The following MTR variants were observed in gnomAD, a reference collection of about 807,000 sequenced individuals.
MTR encodes the protein 5-methyltetrahydrofolate-homocysteine methyltransferase, also known as methionine synthase.
MTR carries 84 observed loss-of-function variants against 154.8 expected under a neutral mutation model. That is an observed-to-expected ratio of 0.54 (90% CI 0.45 to 0.65). MTR has a LOEUF of 0.65. Among genes scored for constraint, MTR ranks in the 30% least tolerant of loss-of-function variants. The pLI is 0.00. For synonymous variants in MTR, 554 were observed against 553.9 expected (o/e 1.00, Z 0.00); for missense variants, 1,275 against 1,570.2 (o/e 0.81, Z 3.18).
chr1:236,857,939 T>G (rs530776904), intron 18 of MTR, among the ~76,000 whole-genome samples: 22 of 152,246 alleles, frequency 1.4e-4, no homozygotes, highest in African/African-American at 4.3e-4. Context: ...AGGGGAGAGA[T>G]ATTTGCATGT....
At chr1:236,838,710 C>G (rs1373421144) in intron 15 of MTR, 111 bp downstream of exon 15, 2 of 1,114,202 alleles carry the variant, frequency 1.8e-6, no homozygotes, top group Admixed American at 2.0e-5. Flanking sequence ...ACATTTATCT[C>G]TTTCCATATA....
chr1:236,861,898 T>C (rs1215134383), intron 20 of MTR, among the ~76,000 whole-genome samples: 1 of 152,132 alleles, frequency 6.6e-6, no homozygotes, highest in Non-Finnish European at 1.5e-5. Context: ...GGGAATGAGC[T>C]CATGGTGGAG....
intron 30 of MTR, chr1:236,895,129 G>A (rs1377437960): frequency 5.1e-6 from 3 of 590,344 alleles, no homozygotes; most frequent in Non-Finnish European, 9.1e-6. Context: ...AGGTCATTAA[G>A]TATGGTCCTT....
chr1:236,889,965 C>T (rs532299417), intron 28 of MTR, among the ~76,000 whole-genome samples: 1 of 152,130 alleles, frequency 6.6e-6, no homozygotes, highest in South Asian at 2.1e-4. Flanking sequence ...TAAATTACTA[C>T]CCCCACTTCT....
At position 236,846,597 on chromosome 1, in the gene MTR, T is replaced by C. The variant is rs147553448; in HGVS notation, c.1516-3747T>C. On this transcript the variant is annotated intron_variant, in intron 15 of 32. Coordinates refer to ENST00000366577, the MANE Select transcript of MTR (RefSeq NM_000254.3). The stretch of plus-strand genomic sequence containing the variant: ...ACAAGGAATTGGTATCTTGCCAGTG[T>C]TTAGATTTGTCATTGAGGAACATGG... 2.4e-4 allele frequency among the ~76,000 whole-genome samples: 36 copies of C among 152,350 alleles called. No individual in the cohort carries two copies. In the East Asian group the frequency reaches 4.4e-3, roughly 19 times the overall value.
At position 236,812,748 on chromosome 1, in the gene MTR, G is replaced by A. The variant is rs1453012780; in HGVS notation, c.513G>A (p.Glu171=). ...RPDYRNITFD[E]LVEAYQEQAK... ...ATTTATTTTTTGCAGCATTTGATGA[G>A]CTTGTTGAAGCATACCAAGAGCAGG... is the stretch of plus-strand genomic sequence containing the variant. Residue 171 remains glutamate, a synonymous_variant, in exon 6 of 33, where the codon GAG becomes GAA. Transcript: ENST00000366577. 1 of 1,614,026 alleles carries A rather than the reference G, an allele frequency of 6.2e-7. No individual in the cohort carries two copies. Among genetic ancestry groups the A allele is most frequent in the Non-Finnish European group, 8.5e-7 (1 of 1,179,926 alleles).
chr1:236,828,407 ATGTC>A (rs1444899437), intron 11 of MTR, among the ~76,000 whole-genome samples: 28 of 152,018 alleles, frequency 1.8e-4, no homozygotes, highest in African/African-American at 6.0e-4. Flanking sequence ...GTTGTTTTAA[ATGTC>A]TGTGTGTATG....
At chr1:236,823,104 A>T (rs1200743802) in intron 8 of MTR, among the ~76,000 whole-genome samples, 2 of 152,218 alleles carry the variant, frequency 1.3e-5, no homozygotes, top group Non-Finnish European at 2.9e-5. Context: ...AAGAGTTGCA[A>T]AGATAGTGCA....
intron 15 of MTR, among the ~76,000 whole-genome samples, chr1:236,844,787 A>G (rs991784622): frequency 2.0e-5 from 3 of 152,160 alleles, no homozygotes; most frequent in Non-Finnish European, 2.9e-5. Flanking sequence ...GTGAAGTTGG[A>G]AGCAAGGTCA....
intron 27 of MTR, 84 bp downstream of exon 27, chr1:236,886,451 A>G (rs1666015907): frequency 1.5e-6 from 2 of 1,299,482 alleles, no homozygotes; most frequent in Admixed American, 1.8e-5. Context: ...CTTGGCTGCA[A>G]AATCAAACCA....
chr1:236,874,843 C>G lies in MTR; in HGVS notation c.2591C>G (p.Ser864Ter). 6.2e-7 allele frequency: 1 copy of G among 1,613,800 alleles called. No homozygotes were observed. Among genetic ancestry groups the G allele is most frequent in the Non-Finnish European group, 8.5e-7 (1 of 1,179,832 alleles). ...IPLLIGGATTSKTHTAVKIAP... is the reference protein window; with the variant it reads ...IPLLIGGATT ...TTGTTGATTGGAGGAGCAACCACTT[C>G]AAAGTAAGTTATACTAATGAGCTTT... is the stretch of plus-strand genomic sequence containing the variant. The change falls in exon 24 of 33, where the codon TCA becomes TGA. Residue 864 changes from serine to a stop codon, truncating the protein, a stop_gained. Transcript: ENST00000366577. LOFTEE classifies it high-confidence loss of function.
At chr1:236,895,091 A>G (rs1158813494) in intron 30 of MTR, 1 of 492,064 alleles carries the variant, frequency 2.0e-6, no homozygotes, top group African/African-American at 1.9e-5. Flanking sequence ...CTTTAGGGAA[A>G]TCGTTAATTT....
chr1:236,823,796 CTTTTTTTTTTTTTTT>C (rs59710180), intron 8 of MTR, among the ~76,000 whole-genome samples: 16 of 18,424 alleles, frequency 8.7e-4, no homozygotes, highest in Admixed American at 1.4e-3. Flanking sequence ...CAGGTCAGAT[CTTTTTTTTTTTTTTT>C]TTTTTTTTTT....
chr1:236,901,780 C>T lies in MTR; in HGVS notation c.*4136C>T, dbSNP rs909405802. On this transcript the variant is annotated 3_prime_UTR_variant, in exon 33 of 33. Coordinates refer to ENST00000366577, the MANE Select transcript of MTR (RefSeq NM_000254.3). The stretch of plus-strand genomic sequence containing the variant: ...ACTAATCCCATTCATGAGGGCTCCA[C>T]CTTCATGACCTAATTACCTCCCAAA... 1.3e-5 allele frequency: 2 copies of T among 152,226 alleles called. No homozygotes were observed. The highest frequency in any genetic ancestry group is 1.3e-4 in the Admixed American group (2 of 15,286). The allele number at this position is 152,226 out of a possible 1,614,324, so 9.4% of individuals were successfully genotyped here.
chr1:236,881,901 A>G (rs1242616389), intron 25 of MTR, among the ~76,000 whole-genome samples: 1 of 152,196 alleles, frequency 6.6e-6, no homozygotes, highest in Non-Finnish European at 1.5e-5. Context: ...AGGAGACAGA[A>G]GAATAAAGAG....
At chr1:236,814,976 A>C (rs779363842) in intron 6 of MTR, among the ~76,000 whole-genome samples, 3 of 152,254 alleles carry the variant, frequency 2.0e-5, no homozygotes, top group Non-Finnish European at 4.4e-5. Flanking sequence ...ATATCTTAGA[A>C]TCAAGAAATA....
intron 24 of MTR, among the ~76,000 whole-genome samples, chr1:236,876,107 CA>C (rs984443003): frequency 1.3e-5 from 2 of 151,554 alleles, no homozygotes; most frequent in African/African-American, 4.8e-5. Flanking sequence ...TTAATCACAT[CA>C]AAAAAAATAC....
intron 10 of MTR, among the ~76,000 whole-genome samples, chr1:236,826,045 C>T (rs933158744): frequency 6.6e-6 from 1 of 152,138 alleles, no homozygotes; most frequent in Non-Finnish European, 1.5e-5. Flanking sequence ...TATTCAGTAG[C>T]CTATGGTTAA....
intron 22 of MTR, among the ~76,000 whole-genome samples, chr1:236,866,278 T>C (rs12040912): frequency 0.046 from 6,970 of 152,254 alleles, 488 homozygotes; most frequent in East Asian, 0.2. Context: ...AACCTTATTA[T>C]TGTATCTGTT....
Sources: allele counts gnomAD v4.1 joint callset (sites outside exome capture counted in the v4.1 genomes callset), GRCh38; gene constraint gnomAD v4.1.1; transcripts MANE v1.5; gene names NCBI Gene and HGNC (gene_info 2026-07-23, HGNC 2026-07-21).